ZNF385D: variants seen among roughly 807,000 people sequenced by gnomAD.
The protein encoded by ZNF385D is zinc finger protein 659.
In ZNF385D, 15 loss-of-function variants were observed where a neutral mutation model predicts 35.8. That is an observed-to-expected ratio of 0.42 (90% CI 0.28 to 0.64). The LOEUF (loss-of-function observed/expected upper bound fraction) is 0.64, where lower values mean the gene tolerates loss of function less well. ZNF385D is among the 30% of genes least tolerant of loss of function. The pLI is 0.23. For synonymous variants in ZNF385D, 212 were observed against 186.8 expected (o/e 1.13, Z -1.10); for missense variants, 474 against 494.6 (o/e 0.96, Z 0.39).
At chr3:21,988,695 ACC>A (rs1050162845) in intron 3 of ZNF385D, among the ~76,000 whole-genome samples, 1 of 151,454 alleles carries the variant, frequency 6.6e-6, no homozygotes, top group African/African-American at 2.4e-5. Flanking sequence ...GGTGGGCTCC[ACC>A]CAGTTGGAGC....
At chr3:21,650,139 G>T (rs1186360568) in intron 2 of ZNF385D, among the ~76,000 whole-genome samples, 1 of 152,168 alleles carries the variant, frequency 6.6e-6, no homozygotes, top group Non-Finnish European at 1.5e-5. Context: ...TTCAAAAACT[G>T]AAGATATGGA....
chr3:21,992,799 G>A (rs1695225858), intron 3 of ZNF385D, among the ~76,000 whole-genome samples: 1 of 152,056 alleles, frequency 6.6e-6, no homozygotes, highest in South Asian at 2.1e-4. Context: ...AAATATTTAT[G>A]TTGTTTCTAG....
intron 2 of ZNF385D, among the ~76,000 whole-genome samples, chr3:22,339,098 T>C (rs1294417928): frequency 6.6e-6 from 1 of 152,230 alleles, no homozygotes; most frequent in African/African-American, 2.4e-5. Context: ...CACACATACA[T>C]GCACATTTTA....
intron 3 of ZNF385D, among the ~76,000 whole-genome samples, chr3:21,792,299 G>T (rs541411295): frequency 1.3e-5 from 2 of 152,140 alleles, no homozygotes; most frequent in Non-Finnish European, 2.9e-5. Flanking sequence ...AGAACCTGGA[G>T]ATTTATTGAG....
intron 2 of ZNF385D, among the ~76,000 whole-genome samples, chr3:21,653,764 C>G (rs2125227306): frequency 6.6e-6 from 1 of 151,514 alleles, no homozygotes; most frequent in East Asian, 1.9e-4. Context: ...GTAAGTAGAA[C>G]TATCCGGAAA....
chr3:21,705,572 A>C (rs1374334307), intron 1 of ZNF385D, among the ~76,000 whole-genome samples: 1 of 152,242 alleles, frequency 6.6e-6, no homozygotes, highest in Non-Finnish European at 1.5e-5. Context: ...ATGGGAAGGC[A>C]AAGAATATGA....
chr3:21,967,158 T>G (rs1702960731), intron 3 of ZNF385D, among the ~76,000 whole-genome samples: 1 of 152,224 alleles, frequency 6.6e-6, no homozygotes, highest in Admixed American at 6.5e-5. Flanking sequence ...AGATGTGATG[T>G]AATGGTCATT....
rs116776018 is a variant in ZNF385D at position 21,976,676 on chromosome 3, A to C, written c.325+192141T>G. ...TAAATATATTTTGGTACATCCATAA[A>C]ATGGAAAATTATTTTGCACTGAGAA... On this transcript the variant is annotated intron_variant, in intron 3 of 5. Coordinates refer to the ZNF385D transcript ENST00000494108. Among the ~76,000 whole-genome samples, 1,200 of 152,274 alleles carry C rather than the reference A, an allele frequency of 7.9e-3. 12 individuals carry two copies. The highest frequency in any genetic ancestry group is 0.026 in the African/African-American group (1,071 of 41,558).
intron 2 of ZNF385D, among the ~76,000 whole-genome samples, chr3:22,182,937 G>T (rs948542877): frequency 2.6e-5 from 4 of 151,996 alleles, no homozygotes; most frequent in East Asian, 3.9e-4. Context: ...GCTCCAAATA[G>T]AGAAATGATG....
intron 2 of ZNF385D, among the ~76,000 whole-genome samples, chr3:22,169,651 G>C (rs1302141787): frequency 6.6e-6 from 1 of 152,126 alleles, no homozygotes; most frequent in African/African-American, 2.4e-5. Context: ...ACCCAAGATA[G>C]CCTTATAATC....
At chr3:21,721,942 T>C (rs61345330) in intron 1 of ZNF385D, among the ~76,000 whole-genome samples, 25,717 of 151,896 alleles carry the variant, frequency 0.17, 2,626 homozygotes, top group Admixed American at 0.3. Context: ...CTACTAAAAA[T>C]ACACAAAATT....
At chr3:21,476,833 T>C (rs922280965) in intron 4 of ZNF385D, among the ~76,000 whole-genome samples, 4 of 152,148 alleles carry the variant, frequency 2.6e-5, no homozygotes, top group Non-Finnish European at 5.9e-5. Context: ...GCTCTCCTTC[T>C]TTCCCATCTG....
At chr3:21,794,139 C>A (rs1411562797) in intron 3 of ZNF385D, among the ~76,000 whole-genome samples, 3 of 152,118 alleles carry the variant, frequency 2.0e-5, no homozygotes, top group Non-Finnish European at 4.4e-5. Flanking sequence ...AGCAAAATTT[C>A]TTTTCGTGAC....
At chr3:22,061,911 G>A (rs1393914822) in intron 3 of ZNF385D, among the ~76,000 whole-genome samples, 4 of 152,142 alleles carry the variant, frequency 2.6e-5, no homozygotes, top group African/African-American at 4.8e-5. Context: ...ATTTTGAGCT[G>A]TCTTGTTGGT....
At chr3:21,480,978 T>C (rs1473696134) in intron 4 of ZNF385D, among the ~76,000 whole-genome samples, 2 of 152,170 alleles carry the variant, frequency 1.3e-5, no homozygotes, top group African/African-American at 4.8e-5. Flanking sequence ...TCTTTAAACA[T>C]TTATTTTATT....
chr3:21,469,931 A>AG (rs1703776645), intron 4 of ZNF385D, among the ~76,000 whole-genome samples: 1 of 116,296 alleles, frequency 8.6e-6, no homozygotes, highest in African/African-American at 3.3e-5. Context: ...AGGTGCTTTA[A>AG]GAAAAAAAAA....
chr3:22,103,357 CA>C (rs1702041473), intron 3 of ZNF385D, among the ~76,000 whole-genome samples: 1 of 151,922 alleles, frequency 6.6e-6, no homozygotes, highest in Non-Finnish European at 1.5e-5. Context: ...TTTTTGATAA[CA>C]AAAACACCCC....
At chr3:21,711,158 C>T (rs1027434683) in intron 1 of ZNF385D, among the ~76,000 whole-genome samples, 1 of 148,072 alleles carries the variant, frequency 6.8e-6, no homozygotes, top group South Asian at 2.2e-4. Flanking sequence ...TCTCCTGCCT[C>T]AGCCTCCCGA....
Position 22,170,343 on chromosome 3 carries a change from G to A in ZNF385D, c.107-1308C>T, listed in dbSNP as rs116754409. 7.0e-3 allele frequency among the ~76,000 whole-genome samples: 1,058 copies of A among 152,222 alleles called. 10 individuals are homozygous for A. The highest frequency in any genetic ancestry group is 0.024 in the African/African-American group (981 of 41,538). On this transcript the variant is annotated intron_variant, in intron 2 of 5. Coordinates refer to the ZNF385D transcript ENST00000494108. ...GAATCAGGTAAATGAGATAACAAAT[G>A]CTGAAATGTTTTTAACAACATGTAA... is the stretch of plus-strand genomic sequence containing the variant.
Sources: gnomAD v4.1 joint callset for allele counts (sites outside exome capture counted in the v4.1 genomes callset) on GRCh38, gnomAD v4.1.1 for gene constraint, MANE v1.5 for transcripts, NCBI Gene and HGNC (gene_info 2026-07-23, HGNC 2026-07-21) for gene names.